The following STARD13 variants were observed in gnomAD, a reference collection of about 807,000 sequenced individuals.
STARD13 encodes StAR related lipid transfer domain containing 13, also known as stAR-related lipid transfer protein 13.
STARD13 carries 62 observed loss-of-function variants against 106.4 expected under a neutral mutation model. That is an observed-to-expected ratio of 0.58 (90% confidence interval 0.48 to 0.72). The LOEUF is 0.72. STARD13 is among the 30% of genes least tolerant of loss of function. The pLI is 0.00. For synonymous variants in STARD13, 565 were observed against 553.0 expected (o/e 1.02, Z -0.31); for missense variants, 1,387 against 1,424.0 (o/e 0.97, Z 0.42).
At chr13:33,253,807 C>T (rs1461258058) in intron 1 of STARD13, among the ~76,000 whole-genome samples, 3 of 152,150 alleles carry the variant, frequency 2.0e-5, no homozygotes, top group Non-Finnish European at 4.4e-5. Context: ...ATAGTACGAT[C>T]TAAAGATGAT....
Position 33,285,705 on chromosome 13 carries a change from C to A in STARD13, c.-67G>T. 2 of 1,589,348 alleles carry A rather than the reference C, an allele frequency of 1.3e-6. No homozygotes were observed. Among genetic ancestry groups the A allele is most frequent in the South Asian group, 2.3e-5 (2 of 85,632 alleles). On this transcript the variant is annotated 5_prime_UTR_variant, in exon 1 of 14. Transcript: ENST00000336934. ...GTTGCCGTCTGTCTCCAGTCTCAGT[C>A]AAAGAGCAAGGCACCCAGCCCAGGA...
intron 1 of STARD13, among the ~76,000 whole-genome samples, chr13:33,317,996 A>G (rs1893406339): frequency 6.6e-6 from 1 of 152,218 alleles, no homozygotes. Flanking sequence ...TGGAGTCAAG[A>G]TTTGGATCTA....
chr13:33,575,665 T>C, the STARD13 span, among the ~76,000 whole-genome samples: 3,355 of 152,162 alleles, frequency 0.022, 113 homozygotes, highest in African/African-American at 0.077. Flanking sequence ...GAGTGAGTTG[T>C]TGTAAAGCCA....
the STARD13 span, among the ~76,000 whole-genome samples, chr13:33,513,398 C>T: frequency 1.3e-5 from 2 of 152,170 alleles, no homozygotes; most frequent in South Asian, 4.1e-4. Context: ...TTTATTTTCT[C>T]TCTTCCTGAT....
At chr13:33,261,938 A>G (rs574056214) in intron 1 of STARD13, among the ~76,000 whole-genome samples, 1 of 152,286 alleles carries the variant, frequency 6.6e-6, no homozygotes, top group African/African-American at 2.4e-5. Context: ...GCTCAACCCT[A>G]GAAGGCTTTC....
chr13:33,216,986 G>A (rs1305226386), intron 1 of STARD13, among the ~76,000 whole-genome samples: 1 of 152,192 alleles, frequency 6.6e-6, no homozygotes, highest in Non-Finnish European at 1.5e-5. Flanking sequence ...GAGGTTGCCA[G>A]GTGGAGGGTG....
At chr13:33,429,930 G>GC in the STARD13 span, among the ~76,000 whole-genome samples, 105 of 149,466 alleles carry the variant, frequency 7.0e-4, 2 homozygotes, top group African/African-American at 2.5e-3. Context: ...TTTTTTTTGG[G>GC]GGGGGGGGAC....
the STARD13 span, among the ~76,000 whole-genome samples, chr13:33,538,464 A>G: frequency 2.0e-5 from 3 of 152,224 alleles, no homozygotes; most frequent in Admixed American, 6.5e-5. Context: ...CCTCAGGAGT[A>G]AGAAAGAACC....
At chr13:33,553,335 T>C in the STARD13 span, among the ~76,000 whole-genome samples, 3 of 152,010 alleles carry the variant, frequency 2.0e-5, no homozygotes, top group African/African-American at 4.8e-5. Context: ...AGGCATCTTA[T>C]GCAGTTATTA....
the STARD13 span, among the ~76,000 whole-genome samples, chr13:33,385,864 C>CAAAAAAAAAAAAAAAA: frequency 8.1e-6 from 1 of 124,014 alleles, no homozygotes. Context: ...AAAAAAAAAA[C>CAAAAAAAAAAAAAAAA]AAAAAAAAAA....
chr13:33,649,498 C>T, the STARD13 span, among the ~76,000 whole-genome samples: 1 of 152,126 alleles, frequency 6.6e-6, no homozygotes, highest in African/African-American at 2.4e-5. Flanking sequence ...TTATAATTTA[C>T]TTGTTTGTCA....
At chr13:33,163,806 T>C (rs1485269574) in intron 3 of STARD13, among the ~76,000 whole-genome samples, 1 of 146,752 alleles carries the variant, frequency 6.8e-6, no homozygotes, top group East Asian at 2.0e-4. Flanking sequence ...TTTCAAAAAT[T>C]CAATGGGAAA....
chr13:33,407,517 G>C, the STARD13 span, among the ~76,000 whole-genome samples: 2 of 152,138 alleles, frequency 1.3e-5, no homozygotes, highest in Non-Finnish European at 2.9e-5. Flanking sequence ...GCAATACTAG[G>C]TAGAAACAGC....
chr13:33,569,009 C>T, the STARD13 span, among the ~76,000 whole-genome samples: 1 of 147,850 alleles, frequency 6.8e-6, no homozygotes, highest in South Asian at 2.1e-4. Context: ...GGAGAAGACT[C>T]ATAGGAGAAC....
chr13:33,591,508 T>A, the STARD13 span, among the ~76,000 whole-genome samples: 1 of 152,246 alleles, frequency 6.6e-6, no homozygotes, highest in African/African-American at 2.4e-5. Flanking sequence ...TGAAATGGAA[T>A]CTATGACCAC....
the STARD13 span, among the ~76,000 whole-genome samples, chr13:33,614,449 G>A: frequency 2.6e-5 from 4 of 152,142 alleles, no homozygotes; most frequent in African/African-American, 9.7e-5. Context: ...CAGCCAGCTG[G>A]TGGGCCACAG....
chr13:33,274,644 C>T (rs1293163539), intron 1 of STARD13, among the ~76,000 whole-genome samples: 2 of 152,086 alleles, frequency 1.3e-5, no homozygotes, highest in Admixed American at 6.6e-5. Flanking sequence ...CCGTTCACCC[C>T]TTACATGATA....
At chr13:33,519,258 TTCTTTCTTTCTTTCTTTTCTTTC>T in the STARD13 span, among the ~76,000 whole-genome samples, 116 of 149,994 alleles carry the variant, frequency 7.7e-4, 2 homozygotes, top group African/African-American at 2.6e-3. Context: ...CTTTCTTTCT[TTCTTTCTTTCTTTCTTTTCTTTC>T]TCTTTCTTTC....
At chr13:33,416,799 T>A in the STARD13 span, among the ~76,000 whole-genome samples, 1 of 152,292 alleles carries the variant, frequency 6.6e-6, no homozygotes, top group South Asian at 2.1e-4. Context: ...AAAGCCTTCT[T>A]AGAGATGATC....
Sources: gnomAD v4.1 joint callset for allele counts (sites outside exome capture counted in the v4.1 genomes callset) on GRCh38, gnomAD v4.1.1 for gene constraint, MANE v1.5 for transcripts, NCBI Gene and HGNC (gene_info 2026-07-23, HGNC 2026-07-21) for gene names.